The following CRX variants were observed in gnomAD, a reference collection of about 807,000 sequenced individuals.
The protein encoded by CRX is cone-rod homeobox.
In CRX, 5 loss-of-function variants were observed where a neutral mutation model predicts 13.1. The observed-to-expected ratio is 0.38, with a 90% CI of 0.20 to 0.80. CRX has a LOEUF of 0.80. CRX is among the 30% of genes least tolerant of loss of function. The probability of loss-of-function intolerance (pLI) is 0.43; values close to 1 mark genes in which losing one functional copy is unlikely to be tolerated. For missense variants in CRX, 351 were observed against 391.8 expected (o/e 0.90, Z 0.88); for synonymous variants, 179 against 171.1 (o/e 1.05, Z -0.36).
chr19:47,825,889 T>C (rs1198219556), intron 1 of CRX, among the ~76,000 whole-genome samples: 1 of 151,626 alleles, frequency 6.6e-6, no homozygotes, highest in Non-Finnish European at 1.5e-5. Context: ...GCCACTGCAC[T>C]CCAGCATGGG....
At chr19:47,824,512 C>T (rs1014546780) in intron 1 of CRX, among the ~76,000 whole-genome samples, 1 of 152,190 alleles carries the variant, frequency 6.6e-6, no homozygotes, top group Non-Finnish European at 1.5e-5. Flanking sequence ...CATGGAGTTA[C>T]TGTTGCCTGA....
At chr19:47,832,788 T>G (rs906674605) in intron 1 of CRX, among the ~76,000 whole-genome samples, 1 of 152,088 alleles carries the variant, frequency 6.6e-6, no homozygotes, top group Non-Finnish European at 1.5e-5. Context: ...GCCTGGCCCA[T>G]AAATGCGATT....
intron 1 of CRX, among the ~76,000 whole-genome samples, chr19:47,832,291 A>T (rs1968060680): frequency 7.7e-6 from 1 of 129,488 alleles, no homozygotes; most frequent in Admixed American, 7.6e-5. Flanking sequence ...TTTTCTGCAG[A>T]GACGGGGTTT....
intron 1 of CRX, among the ~76,000 whole-genome samples, chr19:47,834,174 C>G (rs551741767): frequency 3.0e-4 from 45 of 152,216 alleles, no homozygotes; most frequent in African/African-American, 1.0e-3. Flanking sequence ...AGAGCTTGCA[C>G]TTATGAGGCA....
chr19:47,839,392 G>A lies in CRX; in HGVS notation c.325G>A (p.Gly109Arg). 1 of 1,613,586 alleles carries A rather than the reference G, an allele frequency of 6.2e-7. No individual in the cohort carries two copies. Among genetic ancestry groups the A allele is most frequent in the Non-Finnish European group, 8.5e-7 (1 of 1,179,812 alleles). ...QQQKQQQQPP[G>R]GQAKARPAKR... Reference sequence around the variant, plus strand: ...GCAGAAACAGCAGCAGCAGCCCCCAGGGGGCCAGGCCAAGGCCCGGCCTGC... The same window carrying A: ...GCAGAAACAGCAGCAGCAGCCCCCAAGGGGCCAGGCCAAGGCCCGGCCTGC... The change falls in exon 4 of 4, where the codon GGG becomes AGG. Residue 109 changes from glycine to arginine, a missense_variant. Coordinates refer to ENST00000221996, the MANE Select transcript of CRX (RefSeq NM_000554.6). The surrounding 1 kb of genome is among the most constrained non-coding windows in gnomAD (Gnocchi z 4.6).
At chr19:47,832,058 A>G (rs1968053771) in intron 1 of CRX, among the ~76,000 whole-genome samples, 3 of 146,232 alleles carry the variant, frequency 2.1e-5, no homozygotes, top group Admixed American at 2.0e-4. Context: ...ATTTTTTAAA[A>G]CTATATAATG....
At chr19:47,836,106 G>A (rs1053475144) in intron 2 of CRX, 137 bp from the exon 3 acceptor site, 2 of 1,080,636 alleles carry the variant, frequency 1.9e-6, no homozygotes, top group South Asian at 1.4e-5. Flanking sequence ...AGGTGTAGAA[G>A]GGCAGGGAAT....
rs140766502 is a variant in CRX at position 47,834,452 on chromosome 19, G to A, written c.9G>A (p.Ala3=). 21 of 1,613,784 alleles carry A rather than the reference G, an allele frequency of 1.3e-5. No homozygotes were observed. The highest frequency in any genetic ancestry group is 6.7e-5 in the African/African-American group (5 of 74,912). The change falls in exon 2 of 4, where the codon GCG becomes GCA. Residue 3 remains alanine (A), a synonymous_variant. Transcript: ENST00000221996. MM[A]YMNPGPHYSV... ...CAGTGTCCCCGAAGATCATGATGGC[G>A]TATATGAACCCGGGGCCCCACTATT...
chr19:47,823,366 C>T (rs1291933540), intron 1 of CRX, among the ~76,000 whole-genome samples: 4 of 152,172 alleles, frequency 2.6e-5, no homozygotes, highest in Non-Finnish European at 5.9e-5. Flanking sequence ...GAGTGAGGTC[C>T]GACTTCAGGG....
At chr19:47,833,701 A>T (rs3760818) in intron 1 of CRX, among the ~76,000 whole-genome samples, 76,957 of 152,008 alleles carry the variant, frequency 0.51, 20,009 homozygotes, top group Middle Eastern at 0.62. Flanking sequence ...CTCTCCTCCA[A>T]CCTGGGCAAA....
intron 1 of CRX, among the ~76,000 whole-genome samples, chr19:47,829,304 G>C (rs1460956029): frequency 7.0e-6 from 1 of 142,968 alleles, no homozygotes; most frequent in African/African-American, 2.6e-5. Context: ...TTATTTTATT[G>C]TATTTTTATT....
chr19:47,834,618 C>A, intron 2 of CRX, 75 bp downstream of exon 2: 2 of 1,258,858 alleles, frequency 1.6e-6, no homozygotes, highest in Non-Finnish European at 2.3e-6. Context: ...CCTTTGCCCC[C>A]AGGAAGAAGG....
chr19:47,827,617 C>T (rs1388794667), intron 1 of CRX, among the ~76,000 whole-genome samples: 1 of 141,338 alleles, frequency 7.1e-6, no homozygotes, highest in Non-Finnish European at 1.5e-5. Context: ...CAGCTCACTG[C>T]AACCTCCGCC....
rs1968194158 is a variant in CRX, at chr19:47,841,328, A to G, written c.*1361A>G. The G allele has an allele frequency of 6.6e-6, 1 of 152,182 alleles. No homozygotes were observed. Among genetic ancestry groups the G allele is most frequent in the Non-Finnish European group, 1.5e-5 (1 of 68,036 alleles). The allele number at this position is 152,182 out of a possible 1,614,324, so 9.4% of individuals were successfully genotyped here. A position where few individuals can be genotyped will look rare whatever the true frequency, so the allele number is the denominator to read the frequency against. The stretch of plus-strand genomic sequence containing the variant: ...GGGAATGTGTGTATTTGGTAGGGAA[A>G]TGAAAGGCACCTTGCCTGTTCCATC... On this transcript the variant is annotated 3_prime_UTR_variant, in exon 4 of 4. Transcript: ENST00000221996.
rs990765786 is a variant in CRX at position 47,841,867 on chromosome 19, A to AT, written c.*1900_*1901insT. 6.7e-6 allele frequency: 1 copy of AT among 149,804 alleles called. No individual in the cohort carries two copies. Among genetic ancestry groups the AT allele is most frequent in the Non-Finnish European group, 1.5e-5 (1 of 67,348 alleles). The allele number at this position is 149,804 out of a possible 1,614,324, so 9.3% of individuals were successfully genotyped here. A position where few individuals can be genotyped will look rare whatever the true frequency, so the allele number is the denominator to read the frequency against. On this transcript the variant is annotated 3_prime_UTR_variant, in exon 4 of 4. Coordinates refer to ENST00000221996, the MANE Select transcript of CRX (RefSeq NM_000554.6). ...TCACAAGGCAAGGTGTAAAAAAAAA[A>AT]GTAGGGCAGGAAGACAGTGGTGTGC...
At chr19:47,823,179 G>A (rs550980203) in intron 1 of CRX, among the ~76,000 whole-genome samples, 23 of 152,020 alleles carry the variant, frequency 1.5e-4, no homozygotes, top group Admixed American at 1.2e-3. Context: ...TCTTGCTCTC[G>A]GCTGTATTCC....
intron 1 of CRX, among the ~76,000 whole-genome samples, chr19:47,822,555 G>A (rs923776319): frequency 1.3e-5 from 2 of 152,178 alleles, no homozygotes; most frequent in Non-Finnish European, 2.9e-5. Context: ...CATATACGCA[G>A]AGAGCCCAGG....
At chr19:47,831,487 G>A (rs940302331) in intron 1 of CRX, among the ~76,000 whole-genome samples, 15 of 152,044 alleles carry the variant, frequency 9.9e-5, no homozygotes, top group African/African-American at 3.4e-4. Flanking sequence ...TCACAGGAAC[G>A]TGAACCCTAT....
intron 2 of CRX, among the ~76,000 whole-genome samples, chr19:47,834,747 A>G (rs1381970458): frequency 1.3e-5 from 2 of 152,156 alleles, no homozygotes; most frequent in African/African-American, 4.8e-5. Flanking sequence ...TTTTGGGGTG[A>G]GGAAGAGGGG....
Sources: gnomAD v4.1 joint callset for allele counts (sites outside exome capture counted in the v4.1 genomes callset) on GRCh38, gnomAD v4.1.1 for gene constraint, Gnocchi (gnomAD v3.1) non-coding constraint, MANE v1.5 for transcripts, NCBI Gene and HGNC (gene_info 2026-07-23, HGNC 2026-07-21) for gene names.